The following BNC2 variants were observed in gnomAD, a reference collection of about 807,000 sequenced individuals.
BNC2 encodes zinc finger protein basonuclin-2.
In BNC2, 20 loss-of-function variants were observed where a neutral mutation model predicts 76.3. The observed-to-expected ratio is 0.26, with a 90% CI of 0.18 to 0.38. BNC2 has a LOEUF of 0.38. BNC2 is among the 10% of genes least tolerant of loss of function. The pLI, the probability that BNC2 is intolerant of heterozygous loss-of-function variation, is 1.00. For synonymous variants in BNC2, 582 were observed against 514.8 expected, an observed-to-expected ratio of 1.13 and a Z score of -1.77; for missense variants, 1,382 against 1,399.8, an observed-to-expected ratio of 0.99 and a Z score of 0.20.
chr9:16,573,819 A>G (rs548080450), intron 4 of BNC2, among the ~76,000 whole-genome samples: 5 of 152,328 alleles, frequency 3.3e-5, no homozygotes, highest in Non-Finnish European at 2.9e-5. Flanking sequence ...ATGCGAACTA[A>G]TAACAAATTA....
At chr9:16,422,172 T>TA (rs916796584) in intron 6 of BNC2, among the ~76,000 whole-genome samples, 4 of 152,218 alleles carry the variant, frequency 2.6e-5, no homozygotes, top group Admixed American at 1.3e-4. Flanking sequence ...ATTTCTCACT[T>TA]ACAGCAGTAG....
intron 1 of BNC2, among the ~76,000 whole-genome samples, chr9:16,740,015 G>C (rs1281009449): frequency 6.6e-6 from 1 of 152,036 alleles, no homozygotes; most frequent in Non-Finnish European, 1.5e-5. Flanking sequence ...CCTGAAACAA[G>C]AGATAAAACA....
intron 5 of BNC2, among the ~76,000 whole-genome samples, chr9:16,523,270 G>A (rs1181540059): frequency 6.6e-6 from 1 of 151,800 alleles, no homozygotes; most frequent in African/African-American, 2.4e-5. Flanking sequence ...AGGAGATGGA[G>A]ACCATCCTGG....
intron 4 of BNC2, among the ~76,000 whole-genome samples, chr9:16,564,827 T>G (rs1819123952): frequency 6.6e-6 from 1 of 152,152 alleles, no homozygotes; most frequent in African/African-American, 2.4e-5. Flanking sequence ...ACATCTACTT[T>G]TTTCAATACA....
rs117464235 is a variant in BNC2, at chr9:16,560,266, G to A, written c.434-7501C>T. Among the ~76,000 whole-genome samples, 1,510 of 152,302 alleles carry A rather than the reference G, an allele frequency of 9.9e-3. 10 individuals are homozygous for A. Among genetic ancestry groups the A allele is most frequent in the Middle Eastern group, 0.02 (6 of 294 alleles). On this transcript the variant is annotated intron_variant, in intron 4 of 6. Transcript: ENST00000380672. ...TGTGTTAGGGAACCATCTAAAGAATGTAACACTTGCAGCAAAATAGTTGGA... is the reference window on the plus strand; with the variant it reads ...TGTGTTAGGGAACCATCTAAAGAATATAACACTTGCAGCAAAATAGTTGGA...
chr9:16,825,649 G>A (rs1818436479), intron 1 of BNC2, among the ~76,000 whole-genome samples: 1 of 152,032 alleles, frequency 6.6e-6, no homozygotes, highest in Non-Finnish European at 1.5e-5. Context: ...CCCAAACCAA[G>A]CAAAATCTTT....
At chr9:16,585,939 GA>G (rs1482659975) in intron 3 of BNC2, among the ~76,000 whole-genome samples, 1 of 152,098 alleles carries the variant, frequency 6.6e-6, no homozygotes, top group Non-Finnish European at 1.5e-5. Flanking sequence ...CAGGTATGCA[GA>G]AAGGAGCAGA....
rs1818023099 is a variant in BNC2 at position 16,810,657 on chromosome 9, G to A, written c.3+59989C>T. Among the ~76,000 whole-genome samples the A allele has an allele frequency of 3.3e-5, 5 of 152,290 alleles. No homozygotes were observed. In the South Asian group the frequency reaches 8.3e-4, roughly 25 times the overall value. On this transcript the variant is annotated intron_variant, in intron 1 of 6. Transcript: ENST00000380672. ...ATTTTAGTGGCTCTTAACCATTTGTGCTTAAATGAAACTGAACAAAATGCA... is the reference window on the plus strand; with the variant it reads ...ATTTTAGTGGCTCTTAACCATTTGTACTTAAATGAAACTGAACAAAATGCA...
chr9:16,827,400 C>A (rs555689967), intron 1 of BNC2, among the ~76,000 whole-genome samples: 4 of 152,162 alleles, frequency 2.6e-5, no homozygotes, highest in Non-Finnish European at 4.4e-5. Context: ...GTGGGACCCA[C>A]TGAACAGGAA....
intron 3 of BNC2, among the ~76,000 whole-genome samples, chr9:16,586,503 T>C (rs1055265017): frequency 9.2e-5 from 14 of 152,190 alleles, no homozygotes; most frequent in African/African-American, 3.4e-4. Flanking sequence ...AGTCTCCTTG[T>C]CCTCCCAGAC....
chr9:16,816,558 A>G (rs1199988687), intron 1 of BNC2, among the ~76,000 whole-genome samples: 1 of 152,230 alleles, frequency 6.6e-6, no homozygotes, highest in African/African-American at 2.4e-5. Flanking sequence ...CAGATTTTAA[A>G]AAGTCAAGGG....
intron 4 of BNC2, chr9:16,580,182 T>C: frequency 2.5e-6 from 1 of 398,498 alleles, no homozygotes; most frequent in South Asian, 1.3e-4. Context: ...CAATTAGTTG[T>C]AATGCTAGGG....
chr9:16,476,180 TTCA>T (rs1821924034), intron 5 of BNC2: 1 of 152,216 alleles, frequency 6.6e-6, no homozygotes, highest in Non-Finnish European at 1.5e-5. Flanking sequence ...ACTAGAAGCC[TTCA>T]TCACTTGCAA....
Position 16,552,622 on chromosome 9 carries a change from G to C in BNC2, c.577C>G (p.Leu193Val), listed in dbSNP as rs148576849. The C allele has an allele frequency of 1.9e-5, 30 of 1,614,128 alleles. No individual in the cohort carries two copies. Among genetic ancestry groups the C allele is most frequent in the African/African-American group, 2.7e-5 (2 of 74,942 alleles). The change falls in exon 5 of 7, where the codon CTC (leucine) becomes GTC (valine). Residue 193 changes from leucine (L) to valine (V), a missense_variant. This residue lies in a region of BNC2 where 557 missense variants were observed against 540.9 expected (regional missense o/e 1.03). Transcript: ENST00000380672. ...PVRLKILLDRLFSVLKQEEVL... is the reference protein window; with the variant it reads ...PVRLKILLDRVFSVLKQEEVL... ...TCCTCTTGCTTCAGGACGCTGAAGA[G>C]ACGGTCCAGCAGGATCTTTAGCCGC...
chr9:16,557,604 C>A, intron 4 of BNC2, among the ~76,000 whole-genome samples: 1 of 151,900 alleles, frequency 6.6e-6, no homozygotes, highest in East Asian at 1.9e-4. Context: ...CTGGAGTAAT[C>A]ATGGGTCAGA....
intron 6 of BNC2, chr9:16,429,735 C>A: frequency 3.2e-6 from 1 of 310,132 alleles, no homozygotes; most frequent in Non-Finnish European, 6.5e-6. Context: ...TTGTAAAAAT[C>A]TCTTTGCATC....
intron 3 of BNC2, among the ~76,000 whole-genome samples, chr9:16,713,173 G>C (rs2134748888): frequency 6.6e-6 from 1 of 152,062 alleles, no homozygotes; most frequent in South Asian, 2.1e-4. Flanking sequence ...TTTTTTTTAA[G>C]GACTGCAATG....
intron 1 of BNC2, among the ~76,000 whole-genome samples, chr9:16,861,205 T>TATATATATATATATA (rs1241413014): frequency 1.1e-4 from 15 of 141,546 alleles, no homozygotes; most frequent in South Asian, 2.3e-4. Flanking sequence ...TATATATAAA[T>TATATATATATATATA]TAACCAGGCA....
intron 4 of BNC2, among the ~76,000 whole-genome samples, chr9:16,559,714 T>C (rs1264392345): frequency 6.6e-6 from 1 of 152,218 alleles, no homozygotes; most frequent in African/African-American, 2.4e-5. Flanking sequence ...TCCTTCATTA[T>C]TCTCCACAGT....
Sources: gnomAD v4.1 joint callset for allele counts (sites outside exome capture counted in the v4.1 genomes callset) on GRCh38, gnomAD v4.1.1 for gene constraint, gnomAD v4.1.1 regional missense constraint, MANE v1.5 for transcripts, NCBI Gene and HGNC (gene_info 2026-07-23, HGNC 2026-07-21) for gene names.